The following KCTD1 variants were observed in gnomAD, a reference collection of about 807,000 sequenced individuals.
KCTD1 encodes the protein BTB/POZ domain-containing protein KCTD1.
KCTD1 carries 24 observed loss-of-function variants against 66.0 expected under a neutral mutation model. The observed-to-expected ratio is 0.36, with a 90% CI of 0.26 to 0.51. The LOEUF is 0.51. Ranked by LOEUF, KCTD1 falls within the 20% of genes least tolerant of loss-of-function variation. KCTD1 has a pLI of 0.95. For missense variants in KCTD1, 943 were observed against 1,205.2 expected (o/e 0.78, Z 3.22); for synonymous variants, 511 against 517.2 (o/e 0.99, Z 0.16).
intron 1 of KCTD1, among the ~76,000 whole-genome samples, chr18:26,638,052 A>T (rs571475446): frequency 2.0e-5 from 3 of 152,374 alleles, no homozygotes; most frequent in African/African-American, 7.2e-5. Flanking sequence ...GTTTGTCTTT[A>T]AAAAATCAGT....
chr18:26,549,398 G>C, upstream of KCTD1: 1 of 985,530 alleles, frequency 1.0e-6, no homozygotes, highest in Non-Finnish European at 1.2e-6. Context: ...GACCTGGGGC[G>C]CTCCCCGTAG....
At chr18:26,631,446 G>C (rs1221546053), upstream of KCTD1, among the ~76,000 whole-genome samples, 12 of 151,858 alleles carry the variant, frequency 7.9e-5, no homozygotes, top group Admixed American at 6.6e-4. Flanking sequence ...TAACACAATA[G>C]TAAGTATGTG....
At chr18:26,495,110 T>A (rs1413654560) in intron 2 of KCTD1, among the ~76,000 whole-genome samples, 1 of 152,196 alleles carries the variant, frequency 6.6e-6, no homozygotes, top group Non-Finnish European at 1.5e-5. Flanking sequence ...AATGCATTTT[T>A]TTTTTTGGCA....
At chr18:26,514,542 C>A (rs548305403) in intron 1 of KCTD1, among the ~76,000 whole-genome samples, 3 of 98,804 alleles carry the variant, frequency 3.0e-5, no homozygotes, top group African/African-American at 1.2e-4. Flanking sequence ...AGAGTGAGAC[C>A]TTGTCTCAAA....
chr18:26,503,325 G>C lies in KCTD1; in HGVS notation c.1810-2075C>G, dbSNP rs1982863599. ...TATTGGAAAAAAATAAAAAAAACAA[G>C]ACAGTTGGTAGGAAATATGAAACAG... On this transcript the variant is annotated intron_variant, in intron 1 of 4. Coordinates refer to ENST00000580059, the MANE Select transcript of KCTD1 (RefSeq NM_001142730.3). 2.0e-5 allele frequency among the ~76,000 whole-genome samples: 3 copies of C among 152,026 alleles called. No individual in the cohort carries two copies. In the South Asian group the frequency reaches 6.2e-4, roughly 32 times the overall value.
upstream of KCTD1, chr18:26,548,964 C>T: frequency 3.0e-6 from 3 of 985,798 alleles, no homozygotes; most frequent in Non-Finnish European, 3.6e-6. Context: ...GGTCTCGTTT[C>T]TCTAAGTAAT....
intron 1 of KCTD1, chr18:26,575,611 C>T (rs1298980279): frequency 6.6e-6 from 1 of 152,228 alleles, no homozygotes; most frequent in Non-Finnish European, 1.5e-5. Context: ...AGTCTCTAGC[C>T]TGCCAGCTAG....
intron 1 of KCTD1, among the ~76,000 whole-genome samples, chr18:26,553,797 A>G (rs1428790482): frequency 2.0e-5 from 3 of 150,854 alleles, no homozygotes; most frequent in Non-Finnish European, 2.9e-5. Flanking sequence ...CAAGCTTGAT[A>G]GCAAACAAGA....
At chr18:26,504,864 C>G (rs552150159) in intron 1 of KCTD1, among the ~76,000 whole-genome samples, 1 of 152,318 alleles carries the variant, frequency 6.6e-6, no homozygotes, top group African/African-American at 2.4e-5. Context: ...TCAACTTCAC[C>G]TGGATGGACA....
At chr18:26,549,155 C>T, upstream of KCTD1, 4 of 985,114 alleles carry the variant, frequency 4.1e-6, no homozygotes, top group Non-Finnish European at 4.8e-6. Flanking sequence ...GGCGAGGCCC[C>T]GCACCCTCTC....
chr18:26,591,688 A>G (rs529944651), intron 1 of KCTD1, among the ~76,000 whole-genome samples: 164 of 152,338 alleles, frequency 1.1e-3, no homozygotes, highest in African/African-American at 3.8e-3. Flanking sequence ...AAGCTGTACA[A>G]ATTTTCTAGT....
rs967614103 is a variant in KCTD1 at position 26,500,941 on chromosome 18, G to A, written c.1988+131C>T. 9 of 908,206 alleles carry A rather than the reference G, an allele frequency of 9.9e-6. No individual in the cohort carries two copies. In the African/African-American group the frequency reaches 1.5e-4, roughly 15 times the overall value. The allele number at this position is 908,206 out of a possible 1,614,324, so 56.3% of individuals were successfully genotyped here. ...TCCAAGACATCCAGCCTAGGCAGCA[G>A]GGTGGCTCACACAGCACTTTCACAT... On this transcript the variant is annotated intron_variant, in intron 2 of 4. Transcript: ENST00000580059.
At position 26,532,257 on chromosome 18, in the gene KCTD1, C is replaced by CTTT. The variant is rs757573584; in HGVS notation, c.1809+14470_1809+14471insAAA. Among the ~76,000 whole-genome samples the CTTT allele has an allele frequency of 2.9e-3, 375 of 128,182 alleles. 19 individuals are homozygous for CTTT. Among genetic ancestry groups the CTTT allele is most frequent in the African/African-American group, 9.4e-3 (280 of 29,652 alleles). 84.1% of individuals were successfully genotyped at this position (128,182 alleles called of 152,430 possible). The stretch of plus-strand genomic sequence containing the variant: ...TATTCTTTTTCTTTTTCTTTTCTTT[C>CTTT]CTTCTTTTTTTTTTTTTTTTTTTTT... On this transcript the variant is annotated intron_variant, in intron 1 of 4. Transcript: ENST00000580059.
intron 1 of KCTD1, among the ~76,000 whole-genome samples, chr18:26,601,723 G>C (rs1310273167): frequency 6.6e-6 from 1 of 152,078 alleles, no homozygotes; most frequent in African/African-American, 2.4e-5. Context: ...TACAAATCTT[G>C]CATTTCCTTT....
intron 1 of KCTD1, among the ~76,000 whole-genome samples, chr18:26,656,543 C>A (rs1054680558): frequency 2.6e-5 from 4 of 151,748 alleles, no homozygotes; most frequent in Non-Finnish European, 4.4e-5. Context: ...GCCCGGCCGG[C>A]GACGAAGAGC....
chr18:26,656,556 C>T (rs527901060), intron 1 of KCTD1, among the ~76,000 whole-genome samples: 1 of 150,116 alleles, frequency 6.7e-6, no homozygotes, highest in East Asian at 2.0e-4. Flanking sequence ...CGAAGAGCGC[C>T]GGGCACCGGC....
intron 1 of KCTD1, among the ~76,000 whole-genome samples, chr18:26,573,385 G>A (rs768194402): frequency 2.0e-5 from 3 of 152,048 alleles, no homozygotes; most frequent in Admixed American, 6.6e-5. Flanking sequence ...TGAACTATAC[G>A]CTTAAAAATT....
At chr18:26,635,217 C>T (rs1374813886) in intron 1 of KCTD1, among the ~76,000 whole-genome samples, 3 of 152,088 alleles carry the variant, frequency 2.0e-5, no homozygotes, top group Non-Finnish European at 2.9e-5. Context: ...TTTGTCTCTA[C>T]CGTTTGGCCA....
intron 1 of KCTD1, among the ~76,000 whole-genome samples, chr18:26,612,713 T>G (rs1341852296): frequency 6.6e-6 from 1 of 152,232 alleles, no homozygotes; most frequent in African/African-American, 2.4e-5. Flanking sequence ...AGCCATTCAG[T>G]GTGTGGTACT....
Sources: allele counts gnomAD v4.1 joint callset (sites outside exome capture counted in the v4.1 genomes callset), GRCh38; gene constraint gnomAD v4.1.1; transcripts MANE v1.5; gene names NCBI Gene and HGNC (gene_info 2026-07-23, HGNC 2026-07-21).